Variants in MFHAS1 observed in about 807,000 individuals in gnomAD.
MFHAS1 encodes the protein malignant fibrous histiocytoma-amplified sequence 1.
MFHAS1 carries 50 observed loss-of-function variants against 70.4 expected under a neutral mutation model. The ratio of observed to expected loss-of-function variants is 0.71; its 90% confidence interval spans 0.57 to 0.90. The LOEUF is 0.90. MFHAS1 is among the 40% of genes least tolerant of loss of function. MFHAS1 has a pLI of 0.00. For missense variants in MFHAS1, 1,795 were observed against 1,347.6 expected (o/e 1.33, Z -5.20); for synonymous variants, 952 against 620.0 (o/e 1.54, Z -7.96).
intron 1 of MFHAS1, among the ~76,000 whole-genome samples, chr8:8,831,931 G>A (rs192687443): frequency 6.6e-6 from 1 of 152,086 alleles, no homozygotes; most frequent in African/African-American, 2.4e-5. Flanking sequence ...TTTTTGACAA[G>A]AGCCCAGGCA....
chr8:8,799,050 C>G (rs1341813431), intron 1 of MFHAS1, among the ~76,000 whole-genome samples: 1 of 125,362 alleles, frequency 8.0e-6, no homozygotes, highest in African/African-American at 3.6e-5. Context: ...TCTGTCTCAA[C>G]AACAACAAAA....
chr8:8,882,794 G>A (rs1194863768), intron 1 of MFHAS1, among the ~76,000 whole-genome samples: 1 of 152,126 alleles, frequency 6.6e-6, no homozygotes, highest in East Asian at 1.9e-4. Flanking sequence ...TGAAGTGAAG[G>A]CTGCCAGCCC....
intron 1 of MFHAS1, among the ~76,000 whole-genome samples, chr8:8,823,630 A>C (rs544668836): frequency 4.0e-5 from 6 of 151,660 alleles, no homozygotes; most frequent in Admixed American, 6.6e-5. Flanking sequence ...ACAATCGCCT[A>C]AATAGGGCAC....
At chr8:8,832,637 T>C (rs1266372547) in intron 1 of MFHAS1, among the ~76,000 whole-genome samples, 1 of 147,518 alleles carries the variant, frequency 6.8e-6, no homozygotes, top group African/African-American at 2.5e-5. Context: ...CTTTTTTTTT[T>C]TTTTTTTTCA....
At chr8:8,881,391 C>A (rs187615161) in intron 1 of MFHAS1, among the ~76,000 whole-genome samples, 1 of 152,230 alleles carries the variant, frequency 6.6e-6, no homozygotes, top group African/African-American at 2.4e-5. Context: ...CTCTGCATTA[C>A]GCCAGCCACC....
At chr8:8,797,526 T>A (rs760396566) in intron 1 of MFHAS1, 35 bp from the exon 2 acceptor site, 6 of 1,596,038 alleles carry the variant, frequency 3.8e-6, no homozygotes, top group Middle Eastern at 1.7e-4. Flanking sequence ...GTTAGGGAGA[T>A]GTGCACTAAA....
At chr8:8,842,222 G>C (rs1191262811) in intron 1 of MFHAS1, among the ~76,000 whole-genome samples, 4 of 151,634 alleles carry the variant, frequency 2.6e-5, no homozygotes, top group African/African-American at 9.7e-5. Context: ...ATTTCGCTCT[G>C]TTGCCCAGGC....
chr8:8,797,598 G>C (rs890524709), intron 1 of MFHAS1, 107 bp from the exon 2 acceptor site: 1 of 1,261,198 alleles, frequency 7.9e-7, no homozygotes, highest in African/African-American at 1.5e-5. Context: ...GAAGGGCAGA[G>C]GTGAAGCAAC....
chr8:8,796,863 G>C (rs1805919277), intron 2 of MFHAS1, among the ~76,000 whole-genome samples: 1 of 151,030 alleles, frequency 6.6e-6, no homozygotes, highest in South Asian at 2.1e-4. Flanking sequence ...GGGCATGGTG[G>C]TGGGCGCCTG....
chr8:8,890,523 C>A lies in MFHAS1; in HGVS notation c.2536G>T (p.Ala846Ser). Reference protein sequence around the residue: ...PKGKPLNGSTAWYKFPCYVQN... With the variant: ...PKGKPLNGSTSWYKFPCYVQN... ...ACATAGCATGGGAACTTGTACCAAG[C>A]TGTGGACCCATTCAAAGGCTTGCCC... The change falls in exon 1 of 3, where the codon GCT (alanine) becomes TCT (serine). Residue 846 changes from alanine to serine, a missense_variant. By Grantham distance (99) the Ala-to-Ser change is moderately conservative. Transcript: ENST00000276282. 6.2e-7 allele frequency: 1 copy of A among 1,613,530 alleles called. No individual in the cohort carries two copies. Among genetic ancestry groups the A allele is most frequent in the Non-Finnish European group, 8.5e-7 (1 of 1,180,056 alleles).
chr8:8,854,476 G>A (rs372184532), intron 1 of MFHAS1, among the ~76,000 whole-genome samples: 34 of 151,590 alleles, frequency 2.2e-4, no homozygotes, highest in South Asian at 2.1e-4. Context: ...AGCTGAGATC[G>A]CACCACTGCA....
intron 2 of MFHAS1, among the ~76,000 whole-genome samples, chr8:8,786,448 T>C (rs1805546108): frequency 6.6e-6 from 1 of 152,116 alleles, no homozygotes; most frequent in South Asian, 2.1e-4. Flanking sequence ...CACCAAATAA[T>C]CCTCTAGAAG....
rs1432578979 is a variant in MFHAS1 at position 8,832,058 on chromosome 8, G to GCACACACACA, written c.2999-34568_2999-34567insTGTGTGTGTG. ...TCAAGGCGCACATGCACGCGCGCGC[G>GCACACACACA]CGCGCACACACACACACACACACAC... On this transcript the variant is annotated intron_variant, in intron 1 of 2. Coordinates refer to ENST00000276282, the MANE Select transcript of MFHAS1 (RefSeq NM_004225.3). Among the ~76,000 whole-genome samples, 4 of 145,960 alleles carry GCACACACACA rather than the reference G, an allele frequency of 2.7e-5. No individual in the cohort carries two copies. In the South Asian group the frequency reaches 6.3e-4, roughly 23 times the overall value.
chr8:8,797,316 C>CTA, intron 2 of MFHAS1, 49 bp downstream of exon 2: 3 of 1,606,314 alleles, frequency 1.9e-6, no homozygotes, highest in Non-Finnish European at 2.6e-6. Flanking sequence ...ATCTATGGAG[C>CTA]TGGGATCAGG....
chr8:8,848,548 G>A (rs1808118093), intron 1 of MFHAS1, among the ~76,000 whole-genome samples: 1 of 152,142 alleles, frequency 6.6e-6, no homozygotes, highest in Non-Finnish European at 1.5e-5. Context: ...TCATTTAACT[G>A]GAAATTGAAT....
chr8:8,884,565 G>T (rs1437775922), intron 1 of MFHAS1, among the ~76,000 whole-genome samples: 1 of 152,174 alleles, frequency 6.6e-6, no homozygotes, highest in African/African-American at 2.4e-5. Context: ...TGGGAATGCT[G>T]GAGGAACACT....
intron 1 of MFHAS1, among the ~76,000 whole-genome samples, chr8:8,879,911 C>T (rs570517460): frequency 6.6e-6 from 1 of 152,348 alleles, no homozygotes; most frequent in East Asian, 1.9e-4. Flanking sequence ...GCCACTCTAC[C>T]TTCATTAGGT....
At chr8:8,798,606 G>C (rs548326108) in intron 1 of MFHAS1, among the ~76,000 whole-genome samples, 62 of 152,206 alleles carry the variant, frequency 4.1e-4, no homozygotes, top group African/African-American at 1.4e-3. Context: ...CAAAGTGCTG[G>C]GATTACAGGT....
At chr8:8,865,952 G>A (rs1044735419) in intron 1 of MFHAS1, among the ~76,000 whole-genome samples, 3 of 152,300 alleles carry the variant, frequency 2.0e-5, no homozygotes, top group Admixed American at 6.5e-5. Flanking sequence ...CAGGCGGCTT[G>A]GCCTACTCTC....
Sources: allele counts gnomAD v4.1 joint callset (sites outside exome capture counted in the v4.1 genomes callset), GRCh38; gene constraint gnomAD v4.1.1; transcripts MANE v1.5; gene names NCBI Gene and HGNC (gene_info 2026-07-23, HGNC 2026-07-21).